The following AMOT variants were observed in gnomAD, a reference collection of about 807,000 sequenced individuals.
AMOT encodes angiomotin.
In AMOT, 11 loss-of-function variants were observed where a neutral mutation model predicts 67.0. The observed-to-expected ratio is 0.16, with a 90% CI of 0.10 to 0.27. The LOEUF (loss-of-function observed/expected upper bound fraction) is 0.27, where lower values mean the gene tolerates loss of function less well. Ranked by LOEUF, AMOT falls within the 10% of genes least tolerant of loss-of-function variation. The pLI, the probability that AMOT is intolerant of heterozygous loss-of-function variation, is 1.00. For synonymous variants in AMOT, 326 were observed against 321.4 expected, an observed-to-expected ratio of 1.01 and a Z score of -0.15; for missense variants, 753 against 852.0, an observed-to-expected ratio of 0.88 and a Z score of 1.45.
At chrX:112,812,452 T>C (rs1178438350) in intron 5 of AMOT, among the ~76,000 whole-genome samples, 1 of 110,871 alleles carries the variant, frequency 9.0e-6, no homozygotes, top group Non-Finnish European at 1.9e-5. Flanking sequence ...ATAATCAGAG[T>C]TGTGTTTTAT....
intron 1 of AMOT, among the ~76,000 whole-genome samples, chrX:112,833,713 G>T (rs1486293295): frequency 8.9e-6 from 1 of 111,910 alleles, no homozygotes; most frequent in Admixed American, 9.5e-5. Flanking sequence ...CCATGATCCA[G>T]AAAGCAAAAC....
chrX:112,803,094 A>C, intron 8 of AMOT, among the ~76,000 whole-genome samples: 1 of 111,704 alleles, frequency 9.0e-6, no homozygotes, highest in Middle Eastern at 4.6e-3. Context: ...TCTTTTGAAA[A>C]GAAAGGCCCG....
At chrX:112,790,848 T>C (rs891991739) in intron 9 of AMOT, 66 bp from the exon 10 acceptor site, 24 of 1,000,135 alleles carry the variant, frequency 2.4e-5, no homozygotes, top group Non-Finnish European at 3.0e-5. Context: ...TGAGCCCCTA[T>C]TCTTGGAGAG....
At chrX:112,804,901 CAGCCCTCCCA>C in intron 8 of AMOT, 36 bp downstream of exon 8, 92 of 919,730 alleles carry the variant, frequency 1.0e-4, no homozygotes, top group East Asian at 1.9e-4. Flanking sequence ...CCCGATTTCC[CAGCCCTCCCA>C]CCCCCAGGCT....
At chrX:112,790,900 A>C (rs1246509572) in intron 9 of AMOT, 118 bp from the exon 10 acceptor site, 1 of 663,817 alleles carries the variant, frequency 1.5e-6, no homozygotes, top group Admixed American at 5.0e-5. Context: ...CTGATTCAGA[A>C]AGAAGCAGGG....
intron 2 of AMOT, among the ~76,000 whole-genome samples, 192 bp from the exon 3 acceptor site, chrX:112,825,412 G>C (rs891303582): frequency 9.8e-5 from 11 of 111,711 alleles, no homozygotes; most frequent in Non-Finnish European, 1.3e-4. Flanking sequence ...CAGTAGCTGT[G>C]TCCGGAAGGC....
chrX:112,809,571 T>C (rs1343095591), intron 7 of AMOT, among the ~76,000 whole-genome samples: 1 of 111,266 alleles, frequency 9.0e-6, no homozygotes, highest in African/African-American at 3.3e-5. Flanking sequence ...TCTAAGAAAA[T>C]CCCTTCAACA....
chrX:112,830,935 C>T (rs1934970963), intron 2 of AMOT, among the ~76,000 whole-genome samples: 1 of 111,271 alleles, frequency 9.0e-6, no homozygotes. Flanking sequence ...TTTTTAGATC[C>T]CAATCTTCAA....
At position 112,811,611 on chromosome X, in the gene AMOT, G is replaced by A. The variant is rs767374779; in HGVS notation, c.1393-218C>T. Among the ~76,000 whole-genome samples the A allele has an allele frequency of 6.3e-5, 7 of 111,060 alleles. No individual in the cohort carries two copies. The East Asian group carries it at 8.5e-4, about 13-fold the overall frequency. On this transcript the variant is annotated intron_variant, in intron 5 of 13. Coordinates refer to ENST00000371959, the MANE Select transcript of AMOT (RefSeq NM_001113490.2). ...ACTCATGGTGTCATGGTCTTTCCTC[G>A]GGTTAAAAAAATAGACAATTTCTGC...
intron 9 of AMOT, 28 bp downstream of exon 9, chrX:112,791,804 T>C (rs965937037): frequency 1.0e-5 from 12 of 1,197,985 alleles, no homozygotes; most frequent in Middle Eastern, 2.3e-4. Flanking sequence ...TACTTTTTTT[T>C]CCCTTTCTTC....
intron 7 of AMOT, among the ~76,000 whole-genome samples, chrX:112,806,745 T>C (rs1934203671): frequency 8.9e-6 from 1 of 112,096 alleles, no homozygotes; most frequent in South Asian, 3.7e-4. Flanking sequence ...ACTATTCTTA[T>C]CTCAATCTGC....
At position 112,787,643 on chromosome X, in the gene AMOT, A is replaced by AT. The variant is rs200424141; in HGVS notation, c.2117+2948dup. The stretch of plus-strand genomic sequence containing the variant: ...TCAAACCGTACGCTTACAACAGGTG[A>AT]TTTTTTAATATGTAACCAATATCAT... On this transcript the variant is annotated intron_variant, in intron 10 of 13. Coordinates refer to ENST00000371959, the MANE Select transcript of AMOT (RefSeq NM_001113490.2). 2.8e-3 allele frequency among the ~76,000 whole-genome samples: 312 copies of AT among 111,230 alleles called. 1 individual carries two copies. Among genetic ancestry groups the AT allele is most frequent in the Middle Eastern group, 4.7e-3 (1 of 212 alleles).
intron 1 of AMOT, among the ~76,000 whole-genome samples, chrX:112,833,423 TAACCAAAGCCC>T (rs1311717204): frequency 5.3e-5 from 5 of 94,109 alleles, no homozygotes; most frequent in African/African-American, 1.9e-4. Flanking sequence ...CATGTTCCCC[TAACCAAAGCCC>T]AACTGGTCCC....
At chrX:112,786,671 A>C (rs760206663) in intron 10 of AMOT, among the ~76,000 whole-genome samples, 2 of 112,178 alleles carry the variant, frequency 1.8e-5, no homozygotes, top group African/African-American at 6.5e-5. Context: ...CTATTTTACC[A>C]TCTTTGAGCT....
At position 112,815,839 on chromosome X, in the gene AMOT, T is replaced by C. The variant is rs999491317; in HGVS notation, c.911A>G (p.Asn304Ser). 4.3e-6 allele frequency: 5 copies of C among 1,165,900 alleles called. No homozygotes were observed. Among genetic ancestry groups the C allele is most frequent in the Non-Finnish European group, 5.7e-6 (5 of 872,475 alleles). ...QDISLPLSAR[N>S]SQPHSPTSSL... ...AGAAGTAGGGCTGTGAGGCTGCGAG[T>C]TCCTGGCTGACAATGGCAATGAGAT... Residue 304 changes from asparagine (N) to serine (S), a missense_variant, in exon 5 of 14, where the codon AAC becomes AGC. This residue lies in a region of AMOT where 297 missense variants were observed against 284.3 expected (regional missense o/e 1.04). Coordinates refer to ENST00000371959, the MANE Select transcript of AMOT (RefSeq NM_001113490.2).
At chrX:112,816,701 G>A (rs1368393391) in intron 4 of AMOT, among the ~76,000 whole-genome samples, 1 of 111,810 alleles carries the variant, frequency 8.9e-6, no homozygotes, top group Non-Finnish European at 1.9e-5. Flanking sequence ...GAGTGGTGGT[G>A]CCAAGATAGA....
rs370502933 is a variant in AMOT at position 112,805,120 on chromosome X, C to T, written c.1631-28G>A. On this transcript the variant is annotated intron_variant, in intron 7 of 13. Transcript: ENST00000371959. ...GTCAGGACATTAAACATCAACACTG[C>T]CAGCCTGGAGCTAGCTCAAAGCCTT... 8.3e-6 allele frequency: 10 copies of T among 1,206,757 alleles called. No individual in the cohort carries two copies. The African/African-American group carries it at 1.2e-4, about 15-fold the overall frequency.
At position 112,804,928 on chromosome X, in the gene AMOT, C is replaced by A; in HGVS notation, c.1776+19G>T. 4.0e-6 allele frequency: 2 copies of A among 493,948 alleles called. No homozygotes were observed. The highest frequency in any genetic ancestry group is 6.8e-6 in the Non-Finnish European group (2 of 294,724). 40.7% of individuals were successfully genotyped at this position (493,948 alleles called of 1,213,427 possible). A position where few individuals can be genotyped will look rare whatever the true frequency, so the allele number is the denominator to read the frequency against. ...GCCCTCCCACCCCCAGGCTCATATG[C>A]TACCTGAGGAAACCATACCTCTTCT... On this transcript the variant is annotated intron_variant, in intron 8 of 13. Transcript: ENST00000371959.
chrX:112,799,743 C>T (rs758981833), intron 8 of AMOT, among the ~76,000 whole-genome samples: 1 of 111,687 alleles, frequency 9.0e-6, no homozygotes, highest in East Asian at 2.8e-4. Context: ...CCTCTAAAAA[C>T]TTGCTACCTC....
Sources: allele counts gnomAD v4.1 joint callset (sites outside exome capture counted in the v4.1 genomes callset), GRCh38; gene constraint gnomAD v4.1.1; regional missense constraint gnomAD v4.1.1; transcripts MANE v1.5; gene names NCBI Gene and HGNC (gene_info 2026-07-23, HGNC 2026-07-21).